DRAM2: variants seen among roughly 807,000 people sequenced by gnomAD.
DRAM2 encodes the protein DNA damage regulated autophagy modulator 2, also known as DNA damage-regulated autophagy modulator protein 2.
DRAM2 carries 26 observed loss-of-function variants against 33.5 expected under a neutral mutation model. The observed-to-expected ratio is 0.78, with a 90% CI of 0.57 to 1.08. DRAM2 has a LOEUF of 1.08. Among genes scored for constraint, DRAM2 ranks in the 50% least tolerant of loss-of-function variants. The pLI, the probability that DRAM2 is intolerant of heterozygous loss-of-function variation, is 0.00. For synonymous variants in DRAM2, 98 were observed against 109.5 expected (o/e 0.89, Z 0.66); for missense variants, 311 against 318.1 (o/e 0.98, Z 0.17).
At position 111,124,604 on chromosome 1, in the gene DRAM2, A is replaced by C. The variant is rs567146797; in HGVS notation, c.339+138T>G. On this transcript the variant is annotated intron_variant, in intron 6 of 9. Transcript: ENST00000484310. ...AAGTAGCTATTTCTAATAGGGTCAA[A>C]TAATTTAAAGGAAGTGATTTCTATT... 9 of 889,658 alleles carry C rather than the reference A, an allele frequency of 1.0e-5. No homozygotes were observed. The South Asian group carries it at 1.5e-4, about 15-fold the overall frequency. 55.1% of individuals were successfully genotyped at this position (889,658 alleles called of 1,614,324 possible). A position where few individuals can be genotyped will look rare whatever the true frequency, so the allele number is the denominator to read the frequency against.
intron 8 of DRAM2, 163 bp downstream of exon 8, chr1:111,119,714 G>A: frequency 1.7e-6 from 1 of 604,548 alleles, no homozygotes; most frequent in Non-Finnish European, 2.9e-6. Flanking sequence ...GAATATGGAA[G>A]GTTCTACATA....
chr1:111,123,746 G>T (rs940623594), intron 6 of DRAM2, among the ~76,000 whole-genome samples: 2 of 152,176 alleles, frequency 1.3e-5, no homozygotes, highest in South Asian at 2.1e-4. Flanking sequence ...GGGGGTTGGG[G>T]GTGGTGAATG....
At chr1:111,135,754 T>C (rs957160700) in intron 3 of DRAM2, among the ~76,000 whole-genome samples, 3 of 152,246 alleles carry the variant, frequency 2.0e-5, no homozygotes, top group South Asian at 2.1e-4. Flanking sequence ...TAGAGCTCAT[T>C]GTCTCTACAG....
At chr1:111,132,402 TG>T (rs1652281106) in intron 3 of DRAM2, among the ~76,000 whole-genome samples, 1 of 152,146 alleles carries the variant, frequency 6.6e-6, no homozygotes. Flanking sequence ...GATGGGGTAG[TG>T]AGAACCTTAG....
At chr1:111,129,072 G>A (rs1404977627) in intron 4 of DRAM2, among the ~76,000 whole-genome samples, 1 of 152,026 alleles carries the variant, frequency 6.6e-6, no homozygotes, top group Non-Finnish European at 1.5e-5. Flanking sequence ...TATATCTTTT[G>A]TGCCACGCCA....
intron 3 of DRAM2, among the ~76,000 whole-genome samples, chr1:111,134,424 A>G (rs633958): frequency 0.17 from 25,559 of 149,134 alleles, 25 homozygotes; most frequent in Middle Eastern, 0.23. Flanking sequence ...GGTATTTGTC[A>G]TTTACTCTGG....
chr1:111,126,146 C>T, intron 5 of DRAM2, 81 bp downstream of exon 5: 1 of 853,748 alleles, frequency 1.2e-6, no homozygotes, highest in Non-Finnish European at 2.0e-6. Context: ...GAAAGTAAAA[C>T]AAGTAACACT....
intron 6 of DRAM2, among the ~76,000 whole-genome samples, chr1:111,123,740 G>C (rs979232238): frequency 6.6e-6 from 1 of 152,112 alleles, no homozygotes; most frequent in African/African-American, 2.4e-5. Flanking sequence ...GATGTGGGGG[G>C]TTGGGGGTGG....
At position 111,118,819 on chromosome 1, in the gene DRAM2, T is replaced by C. The variant is rs750492760; in HGVS notation, c.679A>G (p.Ile227Val). The C allele has an allele frequency of 2.2e-5, 35 of 1,607,584 alleles. No homozygotes were observed. Among genetic ancestry groups the C allele is most frequent in the South Asian group, 8.8e-5 (8 of 90,488 alleles). Residue 227 changes from isoleucine (I) to valine (V), a missense_variant, in exon 9 of 10, where the codon ATT becomes GTT. Coordinates refer to ENST00000484310, the MANE Select transcript of DRAM2 (RefSeq NM_001349884.2). ...FSFFGFFLTY[I>V]RDFQKISLRV... is the part of the protein sequence containing the mutation. ...TGCCTTCTTACCTGAAAATCACGAATGTAAGTCAGGAAAAAACCAAAGAAG... is the reference window on the plus strand; with the variant it reads ...TGCCTTCTTACCTGAAAATCACGAACGTAAGTCAGGAAAAAACCAAAGAAG...
intron 4 of DRAM2, among the ~76,000 whole-genome samples, chr1:111,128,699 C>G (rs1651500011): frequency 1.3e-5 from 2 of 152,146 alleles, no homozygotes; most frequent in Admixed American, 1.3e-4. Flanking sequence ...CAACGAAGTA[C>G]TTGGCACCTG....
At chr1:111,138,528 G>A (rs1653757824) in intron 2 of DRAM2, among the ~76,000 whole-genome samples, 1 of 152,244 alleles carries the variant, frequency 6.6e-6, no homozygotes, top group Non-Finnish European at 1.5e-5. Flanking sequence ...GCTCTCGCCT[G>A]TAATCCCAGC....
chr1:111,118,293 T>C (rs781393967), intron 9 of DRAM2, 26 bp from the exon 10 acceptor site: 22 of 1,531,908 alleles, frequency 1.4e-5, no homozygotes, highest in Non-Finnish European at 1.9e-5. Flanking sequence ...AAATTATATA[T>C]AGAAGTTTGC....
intron 4 of DRAM2, among the ~76,000 whole-genome samples, chr1:111,129,931 G>A (rs1185161295): frequency 6.6e-6 from 1 of 152,184 alleles, no homozygotes; most frequent in Non-Finnish European, 1.5e-5. Context: ...TCTCTAGGGT[G>A]TAGAAACTGG....
chr1:111,124,412 T>C (rs751446358), intron 6 of DRAM2, among the ~76,000 whole-genome samples: 5 of 152,210 alleles, frequency 3.3e-5, no homozygotes, highest in African/African-American at 7.2e-5. Flanking sequence ...TTTTAAAATC[T>C]GTAATTGTGT....
At chr1:111,131,878 T>A (rs899082843) in intron 3 of DRAM2, among the ~76,000 whole-genome samples, 2 of 152,204 alleles carry the variant, frequency 1.3e-5, no homozygotes, top group Non-Finnish European at 2.9e-5. Context: ...CTGTCACTAC[T>A]TTACCCAAAC....
At chr1:111,131,914 A>C (rs565531588) in intron 3 of DRAM2, among the ~76,000 whole-genome samples, 1 of 152,290 alleles carries the variant, frequency 6.6e-6, no homozygotes, top group South Asian at 2.1e-4. Context: ...GTCAATTATA[A>C]CTTCCTAAGG....
chr1:111,136,722 T>G (rs1400240362), intron 3 of DRAM2, among the ~76,000 whole-genome samples: 3 of 152,188 alleles, frequency 2.0e-5, no homozygotes, highest in Non-Finnish European at 4.4e-5. Flanking sequence ...AATAAAATTT[T>G]TAATTCCTCA....
chr1:111,126,332 C>G (rs780886504), intron 4 of DRAM2, 38 bp from the exon 5 acceptor site: 3 of 1,207,170 alleles, frequency 2.5e-6, no homozygotes, highest in Non-Finnish European at 3.7e-6. Context: ...ATTTCTCATA[C>G]TAGATAAACA....
At chr1:111,137,248 T>C (rs1222250388) in intron 3 of DRAM2, among the ~76,000 whole-genome samples, 5 of 102,712 alleles carry the variant, frequency 4.9e-5, no homozygotes, top group Non-Finnish European at 7.4e-5. Flanking sequence ...CGAGATTCCA[T>C]CTCAAAAAAA....
Sources: allele counts gnomAD v4.1 joint callset (sites outside exome capture counted in the v4.1 genomes callset), GRCh38; gene constraint gnomAD v4.1.1; transcripts MANE v1.5; gene names NCBI Gene and HGNC (gene_info 2026-07-23, HGNC 2026-07-21).